DMKN: variants seen among roughly 807,000 people sequenced by gnomAD.
DMKN encodes epidermis-specific secreted protein SK30/SK89.
A neutral mutation model predicts 67.6 loss-of-function variants in DMKN; 58 were observed. The observed-to-expected ratio is 0.86, with a 90% CI of 0.69 to 1.07. The LOEUF (loss-of-function observed/expected upper bound fraction) is 1.07. DMKN is among the 50% of genes least tolerant of loss of function. The pLI is 0.00. For synonymous variants in DMKN, 240 were observed against 232.3 expected, an observed-to-expected ratio of 1.03 and a Z score of -0.30; for missense variants, 596 against 601.5, an observed-to-expected ratio of 0.99 and a Z score of 0.10.
In DMKN at chr19:35,501,998, C is replaced by T. The variant is rs541738252; in HGVS notation, c.1239+138G>A. The T allele has an allele frequency of 1.6e-3, 2,440 of 1,552,004 alleles. 5 individuals carry two copies. Among genetic ancestry groups the T allele is most frequent in the Middle Eastern group, 8.8e-3 (52 of 5,922 alleles). ...GTGACTCACGGCTTCTCCCTCTCAC[C>T]CCGCCCCCACTCGGGATTGCACAAA... On this transcript the variant is annotated intron_variant, in intron 11 of 15. Coordinates refer to ENST00000339686, the MANE Select transcript of DMKN (RefSeq NM_033317.5).
intron 3 of DMKN, among the ~76,000 whole-genome samples, chr19:35,512,145 A>C (rs1421521055): frequency 3.3e-5 from 5 of 151,966 alleles, no homozygotes; most frequent in African/African-American, 1.2e-4. Flanking sequence ...TTACAGGCGC[A>C]TGCCACTATG....
chr19:35,501,844 C>A (rs776396483), intron 11 of DMKN: 26 of 1,579,936 alleles, frequency 1.6e-5, no homozygotes, highest in Non-Finnish European at 2.2e-5. Context: ...TCCCCTGGGT[C>A]CAGGCCAGGC....
intron 13 of DMKN, 43 bp downstream of exon 13, chr19:35,499,915 T>G (rs747653780): frequency 5.6e-6 from 9 of 1,606,266 alleles, no homozygotes; most frequent in Non-Finnish European, 6.8e-6. Flanking sequence ...CCATCCCTCA[T>G]GCAGAGCCCC....
intron 15 of DMKN, 86 bp downstream of exon 15, chr19:35,498,630 G>C (rs1347933126): frequency 6.4e-7 from 1 of 1,574,690 alleles, no homozygotes; most frequent in Non-Finnish European, 8.7e-7. Flanking sequence ...TGAGATCTGA[G>C]GATATACCAA....
intron 7 of DMKN, chr19:35,507,340 G>T: frequency 1.0e-6 from 1 of 999,216 alleles, no homozygotes; most frequent in Non-Finnish European, 1.5e-6. Flanking sequence ...ATGGTCACTG[G>T]ACGCAGATTC....
rs774653766 is a variant in DMKN, at chr19:35,500,579, C to T, written c.1241G>A (p.Gly414Asp). The T allele has an allele frequency of 4.4e-6, 7 of 1,606,478 alleles. No individual in the cohort carries two copies. The Admixed American group carries it at 6.7e-5, about 15-fold the overall frequency. Residue 414 changes from glycine (G) to aspartate (D), a missense_variant and splice_region_variant, in exon 12 of 16, where the codon GGT becomes GAT. Gly to Asp is a moderately conservative substitution (Grantham distance 94, BLOSUM62 -1). Coordinates refer to ENST00000339686, the MANE Select transcript of DMKN (RefSeq NM_033317.5). ...TTTCTGCAGTGATGACGCGTCCGCACCCTGAAAGGAAGAAGGGGCCACAGT... is the reference window on the plus strand; with the variant it reads ...TTTCTGCAGTGATGACGCGTCCGCATCCTGAAAGGAAGAAGGGGCCACAGT... Reference protein sequence around the residue: ...PFLNWKAIIEGADASSLQKRA... With the variant: ...PFLNWKAIIEDADASSLQKRA...
At chr19:35,498,482 T>G (rs988618920) in intron 15 of DMKN, 1 of 598,416 alleles carries the variant, frequency 1.7e-6, no homozygotes, top group African/African-American at 1.9e-5. Context: ...GCACAGAGAT[T>G]ACAGGCATGA....
In DMKN at chr19:35,513,228, A is replaced by T. The variant is rs772204606; in HGVS notation, c.248T>A (p.Val83Asp). 6.8e-6 allele frequency: 11 copies of T among 1,613,770 alleles called. No homozygotes were observed. The Admixed American group carries it at 1.0e-4, about 15-fold the overall frequency. ...TACGCCAAAGCCTGGAACCTGCCTG[A>T]CTCCAGTGCCAACTGCTTCTCTGGT... is the stretch of plus-strand genomic sequence containing the variant. Reference protein sequence around the residue: ...QGTREAVGTGVRQVPGFGVAD... With the variant: ...QGTREAVGTGDRQVPGFGVAD... Residue 83 changes from valine (V) to aspartate (D), a missense_variant, in exon 1 of 16, where the codon GTC (valine) becomes GAC (aspartate). By Grantham distance (152) the Val-to-Asp change is radical (BLOSUM62 -3). Transcript: ENST00000339686.
Position 35,512,754 on chromosome 19 carries a change from C to T in DMKN, c.463G>A (p.Gly155Ser), listed in dbSNP as rs747371118. 1.2e-6 allele frequency: 2 copies of T among 1,614,016 alleles called. No homozygotes were observed. Among genetic ancestry groups the T allele is most frequent in the Non-Finnish European group, 1.7e-6 (2 of 1,180,004 alleles). ...CCCTGGCCCTGGCCTCCAAGGCCAC[C>T]TTGAGAGCCAAAGATGCCATGGCCT... ...SGGHGIFGSQ[G>S]GLGGQGQGNP... Residue 155 changes from glycine (G) to serine (S), a missense_variant, in exon 2 of 16, where the codon GGT (glycine) becomes AGT (serine). Gly to Ser is a moderately conservative substitution (Grantham distance 56, BLOSUM62 0). Transcript: ENST00000339686.
At chr19:35,508,047 A>G in intron 7 of DMKN, 1 of 923,484 alleles carries the variant, frequency 1.1e-6, no homozygotes, top group South Asian at 1.8e-5. Flanking sequence ...GCTGTGAAAC[A>G]TGGCCAGACC....
At chr19:35,498,792 C>T (rs765487589) in intron 14 of DMKN, 29 bp from the exon 15 acceptor site, 1 of 1,614,180 alleles carries the variant, frequency 6.2e-7, no homozygotes, top group Admixed American at 1.7e-5. Context: ...GTCTGAGTGG[C>T]CACCACAGGG....
At chr19:35,503,781 T>C (rs1369911915) in intron 9 of DMKN, among the ~76,000 whole-genome samples, 1 of 151,854 alleles carries the variant, frequency 6.6e-6, no homozygotes, top group African/African-American at 2.4e-5. Context: ...TGGCCAGAAA[T>C]AGGTTCTAAG....
chr19:35,508,242 T>C (rs1213899989), intron 7 of DMKN: 15 of 1,552,196 alleles, frequency 9.7e-6, no homozygotes, highest in Non-Finnish European at 1.3e-5. Context: ...TCTGAAGCCC[T>C]GCAGGGTGAG....
chr19:35,505,553 G>A (rs1345839173), intron 9 of DMKN, among the ~76,000 whole-genome samples, 165 bp downstream of exon 9: 7 of 152,048 alleles, frequency 4.6e-5, no homozygotes, highest in Non-Finnish European at 1.0e-4. Flanking sequence ...CTCTTTTCAG[G>A]TCTCCTCTGT....
chr19:35,510,267 A>G lies in DMKN; in HGVS notation c.919-15T>C. On this transcript the variant is annotated splice_polypyrimidine_tract_variant and intron_variant, in intron 5 of 15. Coordinates refer to ENST00000339686, the MANE Select transcript of DMKN (RefSeq NM_033317.5). The stretch of plus-strand genomic sequence containing the variant: ...GTGCTGGATCCCTGCAGGGGAAAGC[A>G]AGATTTCAAACGCTGTCCTAAAGGA... 1.3e-6 allele frequency: 2 copies of G among 1,595,490 alleles called. No homozygotes were observed. The highest frequency in any genetic ancestry group is 1.7e-6 in the Non-Finnish European group (2 of 1,170,714).
At chr19:35,502,790 G>C (rs1485281574) in intron 10 of DMKN, 40 bp downstream of exon 10, 7 of 1,610,876 alleles carry the variant, frequency 4.3e-6, no homozygotes, top group Non-Finnish European at 5.1e-6. Context: ...AGTCAGGAGG[G>C]CCAGGCCCCC....
At position 35,511,229 on chromosome 19, in the gene DMKN, G is replaced by A. The variant is rs57195523; in HGVS notation, c.918+182C>T. The stretch of plus-strand genomic sequence containing the variant: ...GTGGCTCTGGCAGAAACGATAGTGC[G>A]CGCATCAGGGGCACAGCATGGGTGG... On this transcript the variant is annotated intron_variant, in intron 5 of 15. Transcript: ENST00000339686. Among the ~76,000 whole-genome samples, 940 of 152,282 alleles carry A rather than the reference G, an allele frequency of 6.2e-3. 35 individuals are homozygous for A. Among genetic ancestry groups the A allele is most frequent in the Admixed American group, 0.05 (769 of 15,302 alleles).
intron 5 of DMKN, chr19:35,510,457 C>G (rs1304065953): frequency 6.4e-7 from 1 of 1,552,010 alleles, no homozygotes; most frequent in South Asian, 1.2e-5. Context: ...CGAGGGTATT[C>G]GGAACTACGC....
At position 35,499,951 on chromosome 19, in the gene DMKN, G is replaced by A. The variant is rs750980847; in HGVS notation, c.1359+7C>T. On this transcript the variant is annotated splice_region_variant and intron_variant, in intron 13 of 15. Transcript: ENST00000339686. ...CAGCGGGAAGACAGGGTGGTTGCCG[G>A]TCTCACCTTTGCAGGGGTCTTGACT... 2 of 1,614,024 alleles carry A rather than the reference G, an allele frequency of 1.2e-6. No individual in the cohort carries two copies. The highest frequency in any genetic ancestry group is 1.3e-5 in the African/African-American group (1 of 75,016).
Sources: gnomAD v4.1 joint callset for allele counts (sites outside exome capture counted in the v4.1 genomes callset) on GRCh38, gnomAD v4.1.1 for gene constraint, MANE v1.5 for transcripts, NCBI Gene and HGNC (gene_info 2026-07-23, HGNC 2026-07-21) for gene names.